The following KIAA0825 variants were observed in gnomAD, a reference collection of about 807,000 sequenced individuals.
KIAA0825 encodes the protein KIAA0825.
KIAA0825 carries 119 observed loss-of-function variants against 147.6 expected under a neutral mutation model. The ratio of observed to expected loss-of-function variants is 0.81; its 90% CI spans 0.69 to 0.94. The LOEUF (loss-of-function observed/expected upper bound fraction) is 0.94. Among genes scored for constraint, KIAA0825 ranks in the 40% least tolerant of loss-of-function variants. KIAA0825 has a pLI of 0.00. For missense variants in KIAA0825, 1,381 were observed against 1,472.7 expected (o/e 0.94, Z 1.02); for synonymous variants, 470 against 518.1 (o/e 0.91, Z 1.26).
chr5:94,197,293 T>C (rs546731135), intron 20 of KIAA0825, among the ~76,000 whole-genome samples: 2 of 152,334 alleles, frequency 1.3e-5, no homozygotes, highest in Admixed American at 1.3e-4. Flanking sequence ...GCTCATGTCC[T>C]TTGTACATAT....
Position 94,440,138 on chromosome 5 carries a change from T to A in KIAA0825, c.2358-17A>T, listed in dbSNP as rs1006789264. 2.8e-5 allele frequency: 43 copies of A among 1,549,738 alleles called. 1 individual carries two copies. The highest frequency in any genetic ancestry group is 2.6e-5 in the Non-Finnish European group (30 of 1,146,092). ...GATGGAGTCCTTTCAAAATGCAAGA[T>A]AAAGATGGAGTAATGAAGTTAATTT... On this transcript the variant is annotated splice_polypyrimidine_tract_variant and intron_variant, in intron 13 of 20. Transcript: ENST00000682413.
Position 94,558,806 on chromosome 5 carries a change from A to G in KIAA0825, c.-1-21679T>C, listed in dbSNP as rs373291440. Among the ~76,000 whole-genome samples, 13 of 152,344 alleles carry G rather than the reference A, an allele frequency of 8.5e-5. No individual in the cohort carries two copies. In the East Asian group the frequency reaches 1.2e-3, roughly 14 times the overall value. On this transcript the variant is annotated intron_variant, in intron 2 of 20. Transcript: ENST00000682413. The stretch of plus-strand genomic sequence containing the variant: ...TCTCCACCTTCCACTGAAGTAGGTC[A>G]TAAGACCTTCATTCCACAAGTGCAT...
rs539303335 is a variant in KIAA0825, at chr5:94,473,627, C to T, written c.1228-108G>A. On this transcript the variant is annotated intron_variant, in intron 7 of 20. Coordinates refer to ENST00000682413, the MANE Select transcript of KIAA0825 (RefSeq NM_001145678.3). The stretch of plus-strand genomic sequence containing the variant: ...TTTCATTCAACATGTTGAATATATT[C>T]TTTGATATACTGTAAAAGCCATTCT... The T allele has an allele frequency of 4.0e-5, 29 of 724,684 alleles. No homozygotes were observed. In the African/African-American group the frequency reaches 5.0e-4, roughly 12 times the overall value. The allele number at this position is 724,684 out of a possible 1,614,324, so 44.9% of individuals were successfully genotyped here.
rs531194714 is a variant in KIAA0825 at position 94,414,815 on chromosome 5, C to T, written c.2662+2386G>A. On this transcript the variant is annotated intron_variant, in intron 15 of 20. Coordinates refer to ENST00000682413, the MANE Select transcript of KIAA0825 (RefSeq NM_001145678.3). ...GGTGAGCATTACTGCTTGAGCTTCCCCTCCTGTCAAATCAGAAGCATGTTA... is the reference window on the plus strand; with the variant it reads ...GGTGAGCATTACTGCTTGAGCTTCCTCTCCTGTCAAATCAGAAGCATGTTA... 3.9e-5 allele frequency: 6 copies of T among 152,362 alleles called. No individual in the cohort carries two copies. The South Asian group carries it at 1.2e-3, about 32-fold the overall frequency. 9.4% of individuals were successfully genotyped at this position (152,362 alleles called of 1,614,324 possible).
At chr5:94,586,593 A>T (rs1783333166) in intron 1 of KIAA0825, among the ~76,000 whole-genome samples, 1 of 152,236 alleles carries the variant, frequency 6.6e-6, no homozygotes, top group Non-Finnish European at 1.5e-5. Context: ...ACAGATTCAC[A>T]GCCAAATTCT....
At chr5:94,436,636 GT>G (rs1318087803) in intron 14 of KIAA0825, among the ~76,000 whole-genome samples, 1 of 152,054 alleles carries the variant, frequency 6.6e-6, no homozygotes, top group Non-Finnish European at 1.5e-5. Context: ...AATTAAAATA[GT>G]TTTTTTCTAG....
At chr5:94,261,591 G>A (rs184452809) in intron 20 of KIAA0825, among the ~76,000 whole-genome samples, 252 of 152,208 alleles carry the variant, frequency 1.7e-3, no homozygotes, top group Middle Eastern at 3.4e-3. Flanking sequence ...GAAGTTCTAC[G>A]TAGCCTTAAT....
chr5:94,591,817 C>T lies in KIAA0825; in HGVS notation c.-152-9234G>A, dbSNP rs1355576619. 7.9e-5 allele frequency among the ~76,000 whole-genome samples: 12 copies of T among 152,130 alleles called. No individual in the cohort carries two copies. In the South Asian group the frequency reaches 1.2e-3, roughly 16 times the overall value. ...GGCTGGGGAGGCCTCACAACCATGG[C>T]GGAAGGTGGAGAAGCAAAGGCATAT... On this transcript the variant is annotated intron_variant, in intron 1 of 20. Transcript: ENST00000682413.
At chr5:94,417,471 T>G in intron 14 of KIAA0825, 106 bp from the exon 15 acceptor site, 1 of 807,420 alleles carries the variant, frequency 1.2e-6, no homozygotes, top group African/African-American at 1.7e-5. Flanking sequence ...GGAAATGGTT[T>G]TTAATAAGAT....
chr5:94,510,483 C>T (rs146221837), intron 5 of KIAA0825, among the ~76,000 whole-genome samples: 265 of 152,262 alleles, frequency 1.7e-3, no homozygotes, highest in African/African-American at 6.0e-3. Flanking sequence ...TGAAAGCAAA[C>T]ATTGATAGGT....
chr5:94,241,118 C>T (rs913431122), intron 20 of KIAA0825, among the ~76,000 whole-genome samples: 2 of 152,114 alleles, frequency 1.3e-5, no homozygotes, highest in African/African-American at 4.8e-5. Flanking sequence ...TGTTTTCTTT[C>T]CCAAACATTT....
chr5:94,526,906 C>G, intron 3 of KIAA0825, among the ~76,000 whole-genome samples: 1 of 151,870 alleles, frequency 6.6e-6, no homozygotes, highest in East Asian at 1.9e-4. Context: ...TAAGGGAGTA[C>G]ACAGGAGGGA....
At chr5:94,546,692 C>G (rs1774452863) in intron 2 of KIAA0825, among the ~76,000 whole-genome samples, 1 of 151,478 alleles carries the variant, frequency 6.6e-6, no homozygotes, top group Admixed American at 6.6e-5. Flanking sequence ...GGGCCCAAGT[C>G]CCTTCAAATA....
At chr5:94,203,425 A>T (rs1299796788) in intron 20 of KIAA0825, among the ~76,000 whole-genome samples, 1 of 152,252 alleles carries the variant, frequency 6.6e-6, no homozygotes, top group African/African-American at 2.4e-5. Context: ...AAGCAGCTAC[A>T]GTGAGCAATG....
intron 20 of KIAA0825, among the ~76,000 whole-genome samples, chr5:94,337,593 T>C (rs1379238801): frequency 1.3e-5 from 2 of 152,200 alleles, no homozygotes; most frequent in South Asian, 2.1e-4. Flanking sequence ...TAATTTAGCA[T>C]TGAATTATTA....
intron 20 of KIAA0825, among the ~76,000 whole-genome samples, chr5:94,338,460 A>C (rs1782030772): frequency 6.6e-6 from 1 of 152,106 alleles, no homozygotes; most frequent in South Asian, 2.1e-4. Context: ...TGTATACTAT[A>C]TATGGTGCCA....
At chr5:94,358,903 A>G (rs1744683102) in intron 20 of KIAA0825, among the ~76,000 whole-genome samples, 1 of 152,214 alleles carries the variant, frequency 6.6e-6, no homozygotes, top group Non-Finnish European at 1.5e-5. Flanking sequence ...ATAATTCTTC[A>G]TTATCATCAC....
At chr5:94,159,648 T>C (rs938727089) in intron 20 of KIAA0825, among the ~76,000 whole-genome samples, 15 of 152,166 alleles carry the variant, frequency 9.9e-5, no homozygotes, top group African/African-American at 3.4e-4. Context: ...TTCCCTCTTG[T>C]TTTTCATGAG....
intron 2 of KIAA0825, among the ~76,000 whole-genome samples, chr5:94,566,321 T>C (rs972190098): frequency 6.6e-6 from 1 of 152,134 alleles, no homozygotes; most frequent in Non-Finnish European, 1.5e-5. Flanking sequence ...TAAATTATCA[T>C]CCAAATCAGG....
Sources: gnomAD v4.1 joint callset for allele counts (sites outside exome capture counted in the v4.1 genomes callset) on GRCh38, gnomAD v4.1.1 for gene constraint, MANE v1.5 for transcripts, NCBI Gene and HGNC (gene_info 2026-07-23, HGNC 2026-07-21) for gene names.